NANOS3: variants seen among roughly 807,000 people sequenced by gnomAD.
NANOS3 encodes the protein nanos homolog 3.
In NANOS3, 11 loss-of-function variants were observed where a neutral mutation model predicts 13.8. That is an observed-to-expected ratio of 0.80 (90% CI 0.50 to 1.32). The LOEUF (loss-of-function observed/expected upper bound fraction) is 1.32, where lower values mean the gene tolerates loss of function less well. NANOS3 is among the 40% of genes most tolerant of loss of function. NANOS3 has a pLI of 0.00. For synonymous variants in NANOS3, 119 were observed against 115.4 expected, an observed-to-expected ratio of 1.03 and a Z score of -0.20; for missense variants, 221 against 263.8, an observed-to-expected ratio of 0.84 and a Z score of 1.12.
At chr19:13,878,776 G>A (rs1006023626) in intron 1 of NANOS3, among the ~76,000 whole-genome samples, 1 of 150,588 alleles carries the variant, frequency 6.6e-6, no homozygotes, top group African/African-American at 2.4e-5. Context: ...CACCATTCCT[G>A]GTGTGTTTTT....
At chr19:13,878,818 T>C (rs954822476) in intron 1 of NANOS3, among the ~76,000 whole-genome samples, 1 of 151,696 alleles carries the variant, frequency 6.6e-6, no homozygotes. Flanking sequence ...GGTCTTACTA[T>C]GTTTCCCAGG....
upstream of NANOS3, among the ~76,000 whole-genome samples, chr19:13,876,018 C>T (rs1399405039): frequency 2.6e-5 from 4 of 152,182 alleles, no homozygotes; most frequent in African/African-American, 4.8e-5. Context: ...CTATCCCCCA[C>T]CTCCCAACTC....
chr19:13,871,165 CAGGGGACAGG>C (rs2145069962), intron 1 of NANOS3, among the ~76,000 whole-genome samples: 2 of 152,202 alleles, frequency 1.3e-5, no homozygotes, highest in African/African-American at 4.8e-5. Context: ...CAGACTCCCT[CAGGGGACAGG>C]AGGGGACAGG....
At chr19:13,866,873 C>G (rs1031408148) in intron 1 of NANOS3, among the ~76,000 whole-genome samples, 4 of 151,704 alleles carry the variant, frequency 2.6e-5, no homozygotes, top group African/African-American at 9.7e-5. Flanking sequence ...GTCACCCCCA[C>G]CACACACACA....
At chr19:13,863,767 TG>T (rs1976191029), upstream of NANOS3, among the ~76,000 whole-genome samples, 1 of 151,402 alleles carries the variant, frequency 6.6e-6, no homozygotes, top group Non-Finnish European at 1.5e-5. Context: ...GTCGGGGGAG[TG>T]GTCCTGGAGA....
upstream of NANOS3, among the ~76,000 whole-genome samples, chr19:13,862,988 A>C (rs777831717): frequency 1.1e-4 from 17 of 152,230 alleles, no homozygotes; most frequent in Non-Finnish European, 1.8e-4. Flanking sequence ...ACCAGGAAGA[A>C]GGTTCGAAGA....
chr19:13,868,753 G>A (rs1196282696), intron 1 of NANOS3, among the ~76,000 whole-genome samples: 3 of 151,758 alleles, frequency 2.0e-5, no homozygotes, highest in Non-Finnish European at 4.4e-5. Flanking sequence ...GGGATGGGGG[G>A]GACACCATGA....
chr19:13,875,189 T>C (rs77913995), upstream of NANOS3, among the ~76,000 whole-genome samples: 4,910 of 125,282 alleles, frequency 0.039, 246 homozygotes, highest in African/African-American at 0.16. Context: ...TAAAATCCCC[T>C]TTTTTTTTTT....
At chr19:13,880,421 C>A (rs143012721) in intron 1 of NANOS3, 21 bp from the exon 2 acceptor site, 1 of 1,612,216 alleles carries the variant, frequency 6.2e-7, no homozygotes, top group East Asian at 2.2e-5. Context: ...TTAAGCATTT[C>A]TCTCCCTCCC....
chr19:13,865,485 C>T (rs1444788027), intron 1 of NANOS3: 1 of 142,496 alleles, frequency 7.0e-6, no homozygotes, highest in Non-Finnish European at 1.6e-5. Flanking sequence ...GGGCGGGGGC[C>T]GCCCGCGGGC....
upstream of NANOS3, chr19:13,874,727 C>T (rs1968473762): frequency 1.9e-6 from 1 of 534,272 alleles, no homozygotes; most frequent in Non-Finnish European, 3.9e-6. Flanking sequence ...TTTGGGGGAA[C>T]ATTCAACCTG....
At chr19:13,863,731 C>T (rs1383772302), upstream of NANOS3, among the ~76,000 whole-genome samples, 1 of 152,052 alleles carries the variant, frequency 6.6e-6, no homozygotes, top group East Asian at 1.9e-4. Flanking sequence ...TACAGCTGGC[C>T]CCTCTAACCT....
intron 1 of NANOS3, among the ~76,000 whole-genome samples, chr19:13,867,046 TTC>T (rs1976252602): frequency 6.6e-6 from 1 of 152,324 alleles, no homozygotes; most frequent in East Asian, 1.9e-4. Context: ...ATTCAAGCAA[TTC>T]TCTTGCCTCA....
upstream of NANOS3, among the ~76,000 whole-genome samples, chr19:13,863,603 C>A (rs554412080): frequency 6.6e-6 from 1 of 152,230 alleles, no homozygotes; most frequent in African/African-American, 2.4e-5. Flanking sequence ...ACTGGCCCCC[C>A]CCAACCCCAT....
At chr19:13,863,212 T>C (rs1463347955), upstream of NANOS3, among the ~76,000 whole-genome samples, 4 of 151,812 alleles carry the variant, frequency 2.6e-5, no homozygotes, top group African/African-American at 9.7e-5. Context: ...CTTTCCCCAA[T>C]ACGCTCTTTT....
At chr19:13,879,702 TG>T (rs1968591375) in intron 1 of NANOS3, among the ~76,000 whole-genome samples, 1 of 149,862 alleles carries the variant, frequency 6.7e-6, no homozygotes, top group Admixed American at 6.6e-5. Context: ...CACTGCAGCC[TG>T]GGCAACACAG....
chr19:13,876,307 T>TG (rs1968509184), upstream of NANOS3, among the ~76,000 whole-genome samples: 1 of 119,480 alleles, frequency 8.4e-6, no homozygotes. Context: ...CCCAGCTAAT[T>TG]TTGTGTGTGT....
intron 1 of NANOS3, 110 bp downstream of exon 1, chr19:13,877,875 G>T (rs1968551848): frequency 1.4e-6 from 2 of 1,439,278 alleles, no homozygotes; most frequent in African/African-American, 1.4e-5. Flanking sequence ...GAAGACCTTA[G>T]AGAGAGCTTA....
intron 1 of NANOS3, among the ~76,000 whole-genome samples, chr19:13,867,479 G>A (rs11882895): frequency 0.17 from 26,172 of 151,666 alleles, 2,481 homozygotes; most frequent in Non-Finnish European, 0.22. Context: ...GCCCAGGCTC[G>A]TCTCAAACTC....
Sources: gnomAD v4.1 joint callset for allele counts (sites outside exome capture counted in the v4.1 genomes callset) on GRCh38, gnomAD v4.1.1 for gene constraint, MANE v1.5 for transcripts, NCBI Gene and HGNC (gene_info 2026-07-23, HGNC 2026-07-21) for gene names.